Variants in FBXW9 observed in about 807,000 individuals in gnomAD.
FBXW9 encodes F-box and WD repeat domain containing 9.
Under a neutral mutation model 55.8 loss-of-function variants are expected in FBXW9, and 38 were observed. The ratio of observed to expected loss-of-function variants is 0.68; its 90% CI spans 0.53 to 0.89. The LOEUF (loss-of-function observed/expected upper bound fraction) is 0.89, where lower values mean the gene tolerates loss of function less well. Ranked by LOEUF, FBXW9 falls within the 40% of genes least tolerant of loss-of-function variation. The pLI is 0.00. For synonymous variants in FBXW9, 289 were observed against 278.2 expected (o/e 1.04, Z -0.38); for missense variants, 590 against 619.4 (o/e 0.95, Z 0.50).
chr19:12,691,536 G>GATC lies in FBXW9; in HGVS notation c.679-83_679-82insGAT. 2.5e-6 allele frequency: 3 copies of GATC among 1,181,014 alleles called. No homozygotes were observed. The South Asian group carries it at 4.0e-5, about 16-fold the overall frequency. The allele number at this position is 1,181,014 out of a possible 1,614,324, so 73.2% of individuals were successfully genotyped here. A position where few individuals can be genotyped will look rare whatever the true frequency, so the allele number is the denominator to read the frequency against. ...GGGATCGTTCTGTTTTTGCAGGTAA[G>GATC]GCTCAGAGAGGTCAAGAGACTCACC... On this transcript the variant is annotated intron_variant, in intron 3 of 9. Transcript: ENST00000393261.
chr19:12,689,096 G>T lies in FBXW9; in HGVS notation c.*120C>A. On this transcript the variant is annotated 3_prime_UTR_variant, in exon 10 of 10. Coordinates refer to ENST00000393261, the MANE Select transcript of FBXW9 (RefSeq NM_032301.3). The surrounding 1 kb of genome is among the most constrained non-coding windows in gnomAD (Gnocchi z 5.9). The stretch of plus-strand genomic sequence containing the variant: ...CAGGACGCTCACCCGAATGTGGCTG[G>T]GACTCCTTGTGCCCTAGGCCCACGG... The T allele has an allele frequency of 1.2e-6, 1 of 847,738 alleles. No homozygotes were observed. The highest frequency in any genetic ancestry group is 2.0e-6 in the Non-Finnish European group (1 of 502,210). 52.5% of individuals were successfully genotyped at this position (847,738 alleles called of 1,614,324 possible). A position where few individuals can be genotyped will look rare whatever the true frequency, so the allele number is the denominator to read the frequency against.
intron 3 of FBXW9, among the ~76,000 whole-genome samples, chr19:12,692,776 G>A (rs978585231): frequency 6.6e-6 from 1 of 151,714 alleles, no homozygotes; most frequent in East Asian, 1.9e-4. Context: ...CTCCTGCCTC[G>A]GCCTCCCAAA....
At chr19:12,693,517 AAAAAAAAAAAAAATATATATATAT>A (rs2025031294) in intron 3 of FBXW9, among the ~76,000 whole-genome samples, 2 of 32,126 alleles carry the variant, frequency 6.2e-5, no homozygotes, top group Non-Finnish European at 1.2e-4. Context: ...AAAAAAAAAA[AAAAAAAAAAAAAATATATATATAT>A]ATATATATAT....
intron 5 of FBXW9, among the ~76,000 whole-genome samples, chr19:12,690,817 AC>A (rs969447428): frequency 1.3e-5 from 2 of 152,074 alleles, no homozygotes; most frequent in African/African-American, 4.8e-5. Flanking sequence ...GCATAAAAAA[AC>A]GTAGTTAATC....
At chr19:12,691,647 AC>A (rs912330121) in intron 3 of FBXW9, among the ~76,000 whole-genome samples, 193 bp from the exon 4 acceptor site, 1 of 152,062 alleles carries the variant, frequency 6.6e-6, no homozygotes, top group Non-Finnish European at 1.5e-5. Context: ...CCAGGTGATC[AC>A]CCCCATTGCA....
rs1301023544 is a variant in FBXW9 at position 12,692,128 on chromosome 19, T to C, written c.679-674A>G. ...AGGCATGAATGCAGTGGTGCGATCATGGCTTATTGCAGCCTCCACATCCCA... is the reference window on the plus strand; with the variant it reads ...AGGCATGAATGCAGTGGTGCGATCACGGCTTATTGCAGCCTCCACATCCCA... On this transcript the variant is annotated intron_variant, in intron 3 of 9. Coordinates refer to ENST00000393261, the MANE Select transcript of FBXW9 (RefSeq NM_032301.3). 2.0e-5 allele frequency among the ~76,000 whole-genome samples: 3 copies of C among 151,612 alleles called. No individual in the cohort carries two copies. In the East Asian group the frequency reaches 5.8e-4, roughly 29 times the overall value.
rs1304924648 is a variant in FBXW9 at position 12,696,169 on chromosome 19, G to T, written c.409+4C>A. 1.5e-5 allele frequency: 22 copies of T among 1,516,164 alleles called. No homozygotes were observed. The highest frequency in any genetic ancestry group is 1.8e-5 in the Non-Finnish European group (20 of 1,139,404). The allele number at this position is 1,516,164 out of a possible 1,614,324, so 93.9% of individuals were successfully genotyped here. A position where few individuals can be genotyped will look rare whatever the true frequency, so the allele number is the denominator to read the frequency against. ...CCCGGTCCCCGGCCCCCGGCCCCGC[G>T]CACCTTCCACCACTGGGTAGGGCGC... On this transcript the variant is annotated splice_donor_region_variant and intron_variant, in intron 1 of 9. Transcript: ENST00000393261.
At position 12,694,814 on chromosome 19, in the gene FBXW9, T is replaced by C; in HGVS notation, c.534A>G (p.Ser178=). The change falls in exon 2 of 10, where the codon TCA becomes TCG. Residue 178 remains serine, a synonymous_variant. Coordinates refer to ENST00000393261, the MANE Select transcript of FBXW9 (RefSeq NM_032301.3). The stretch of plus-strand genomic sequence containing the variant: ...CCCGTCTCACCTGGAGCAGCAGCAC[T>C]GAGTCAACGGAAGCCACGTGGCCTT... ...LAEGHVASVD[S]VLLLQGGSLC... is the part of the protein sequence containing the mutation. The C allele has an allele frequency of 1.2e-6, 2 of 1,614,102 alleles. No individual in the cohort carries two copies. The highest frequency in any genetic ancestry group is 1.7e-6 in the Non-Finnish European group (2 of 1,180,002).
At chr19:12,691,601 T>C (rs1599394631) in intron 3 of FBXW9, 147 bp from the exon 4 acceptor site, 2 of 660,492 alleles carry the variant, frequency 3.0e-6, no homozygotes, top group African/African-American at 1.8e-5. Context: ...CCCATGGTGA[T>C]AGATGCTGCA....
At position 12,689,272 on chromosome 19, in the gene FBXW9, G is replaced by A. The variant is rs933794531; in HGVS notation, c.1321C>T (p.Leu441=). 3 of 1,614,236 alleles carry A rather than the reference G, an allele frequency of 1.9e-6. No individual in the cohort carries two copies. Among genetic ancestry groups the A allele is most frequent in the Non-Finnish European group, 2.5e-6 (3 of 1,180,038 alleles). ...GLNRVCAEGN[L]VVAGSGDLSL... ...AGGTCTCCAGAGCCGGCCACCACCA[G>A]GTTGCCCTCAGCACAGACCTGGGAA... Residue 441 remains leucine (L), a synonymous_variant, in exon 10 of 10, where the codon CTG becomes TTG. Coordinates refer to ENST00000393261, the MANE Select transcript of FBXW9 (RefSeq NM_032301.3). The surrounding 1 kb of genome is among the most constrained non-coding windows in gnomAD (Gnocchi z 5.9).
intron 1 of FBXW9, 44 bp downstream of exon 1, chr19:12,696,129 C>T: frequency 6.7e-7 from 1 of 1,489,098 alleles, no homozygotes; most frequent in Non-Finnish European, 8.9e-7. Context: ...CTGACCTGGG[C>T]GGGCGCCCCC....
At chr19:12,693,530 ATATATATATATATATATATAT>A (rs2025033734) in intron 3 of FBXW9, among the ~76,000 whole-genome samples, 2 of 9,596 alleles carry the variant, frequency 2.1e-4, no homozygotes, top group African/African-American at 1.2e-3. Flanking sequence ...AAAAAAAAAA[ATATATATATATATATATATAT>A]ATATATATAT....
At chr19:12,690,148 GC>G in intron 5 of FBXW9, 38 bp from the exon 6 acceptor site, 1 of 1,611,428 alleles carries the variant, frequency 6.2e-7, no homozygotes, top group African/African-American at 1.3e-5. Flanking sequence ...GGATATCAGA[GC>G]CCCTCGAAGG....
chr19:12,690,164 C>T (rs753469394), intron 5 of FBXW9, 54 bp from the exon 6 acceptor site: 12 of 1,609,158 alleles, frequency 7.5e-6, no homozygotes, highest in African/African-American at 1.3e-5. Flanking sequence ...CGAAGGCCCC[C>T]CCCAGCCCAT....
rs138687993 is a variant in FBXW9, at chr19:12,693,968, C to T, written c.678+626G>A. Reference sequence around the variant, plus strand: ...ACTTTGGGAGGCTGAGGCGGGCAGACCACGAGGTCTGGAGATCGAGACCAT... The same window carrying T: ...ACTTTGGGAGGCTGAGGCGGGCAGATCACGAGGTCTGGAGATCGAGACCAT... On this transcript the variant is annotated intron_variant, in intron 3 of 9. Transcript: ENST00000393261. Among the ~76,000 whole-genome samples the T allele has an allele frequency of 2.6e-3, 395 of 150,988 alleles. 2 individuals are homozygous for T. The highest frequency in any genetic ancestry group is 9.2e-3 in the African/African-American group (379 of 41,070).
chr19:12,689,887 C>A lies in FBXW9; in HGVS notation c.1033-13G>T. The A allele has an allele frequency of 6.2e-7, 1 of 1,613,676 alleles. No homozygotes were observed. Among genetic ancestry groups the A allele is most frequent in the East Asian group, 2.2e-5 (1 of 44,868 alleles). ...GGTAGGAGTCCAGCTACGAGAGGGA[C>A]AAGGGACGGGACAGCTCAGGCCGGG... On this transcript the variant is annotated splice_polypyrimidine_tract_variant and intron_variant, in intron 6 of 9. Coordinates refer to ENST00000393261, the MANE Select transcript of FBXW9 (RefSeq NM_032301.3). This position sits in a 1 kb window ranked among gnomAD's most constrained non-coding sequence, Gnocchi z 5.9.
At chr19:12,694,513 C>A in intron 3 of FBXW9, 81 bp downstream of exon 3, 1 of 1,457,524 alleles carries the variant, frequency 6.9e-7, no homozygotes, top group South Asian at 1.3e-5. Context: ...CAAATCTATG[C>A]GGTCCTGTAC....
intron 3 of FBXW9, among the ~76,000 whole-genome samples, chr19:12,693,461 C>T (rs1460431291): frequency 1.5e-5 from 2 of 132,476 alleles, no homozygotes; most frequent in Admixed American, 8.5e-5. Flanking sequence ...GAGTTTGAGA[C>T]CAGCCTGGCC....
rs763810884 is a variant in FBXW9, at chr19:12,696,256, G to A, written c.326C>T (p.Ala109Val). Reference sequence around the variant, plus strand: ...ATGGTCAGACACGAGGTCGCGGAGCGCGTGGCACACCCGCGACAGGACGTG... The same window carrying A: ...ATGGTCAGACACGAGGTCGCGGAGCACGTGGCACACCCGCGACAGGACGTG... ...VLHVLSRVCHALRDLVSDHVT... is the reference protein window; with the variant it reads ...VLHVLSRVCHVLRDLVSDHVT... The change falls in exon 1 of 10, where the codon GCG (alanine) becomes GTG (valine). Residue 109 changes from alanine to valine, a missense_variant. Coordinates refer to ENST00000393261, the MANE Select transcript of FBXW9 (RefSeq NM_032301.3). 2.6e-6 allele frequency: 4 copies of A among 1,568,354 alleles called. No homozygotes were observed. The highest frequency in any genetic ancestry group is 3.5e-6 in the Non-Finnish European group (4 of 1,157,452).
Sources: gnomAD v4.1 joint callset for allele counts (sites outside exome capture counted in the v4.1 genomes callset) on GRCh38, gnomAD v4.1.1 for gene constraint, Gnocchi (gnomAD v3.1) non-coding constraint, MANE v1.5 for transcripts, NCBI Gene and HGNC (gene_info 2026-07-23, HGNC 2026-07-21) for gene names.